Variants in PDE2A observed in about 807,000 individuals in gnomAD.
PDE2A encodes the protein cGMP-dependent 3',5'-cyclic phosphodiesterase.
A neutral mutation model predicts 133.6 loss-of-function variants in PDE2A; 53 were observed. That is an observed-to-expected ratio of 0.40 (90% CI 0.32 to 0.50). The LOEUF (loss-of-function observed/expected upper bound fraction) is 0.50, where lower values mean the gene tolerates loss of function less well. Among genes scored for constraint, PDE2A ranks in the 20% least tolerant of loss-of-function variants. PDE2A has a pLI of 0.73. For synonymous variants in PDE2A, 491 were observed against 490.2 expected (o/e 1.00, Z -0.02); for missense variants, 796 against 1,232.4 (o/e 0.65, Z 5.30).
Position 72,577,109 on chromosome 11 carries a change from C to T in PDE2A, c.*275G>A, listed in dbSNP as rs1169931058. On this transcript the variant is annotated 3_prime_UTR_variant, in exon 31 of 31. Coordinates refer to ENST00000334456, the MANE Select transcript of PDE2A (RefSeq NM_002599.5). The stretch of plus-strand genomic sequence containing the variant: ...CAAAGAATGGCTTGGGAAAGACTTG[C>T]CAAGGTGTGGTCAGAGGTGCAGAGT... The T allele has an allele frequency of 5.1e-6, 2 of 391,536 alleles. No homozygotes were observed. Among genetic ancestry groups the T allele is most frequent in the Non-Finnish European group, 9.2e-6 (2 of 217,716 alleles). The allele number at this position is 391,536 out of a possible 1,614,324, so 24.3% of individuals were successfully genotyped here.
At chr11:72,631,286 A>C in intron 2 of PDE2A, 3 of 592,414 alleles carry the variant, frequency 5.1e-6, no homozygotes, top group Non-Finnish European at 6.0e-6. Context: ...CTCTCCCAAG[A>C]CTCCCTCCTT....
intron 2 of PDE2A, among the ~76,000 whole-genome samples, chr11:72,625,666 G>C (rs986210640): frequency 5.3e-5 from 8 of 152,112 alleles, no homozygotes; most frequent in African/African-American, 1.9e-4. Context: ...CATTTGTGGG[G>C]TTTGGAGAAA....
intron 1 of PDE2A, chr11:72,668,485 C>G: frequency 1.4e-6 from 1 of 703,596 alleles, no homozygotes; most frequent in Non-Finnish European, 2.6e-6. Context: ...CTGCTCCTAC[C>G]TGCACCCCCC....
chr11:72,652,492 T>C (rs1854767498), intron 1 of PDE2A: 2 of 455,064 alleles, frequency 4.4e-6, no homozygotes, highest in Non-Finnish European at 8.8e-6. Context: ...GTGAGGTGCA[T>C]GCCAGCCTCC....
At chr11:72,631,235 G>T in intron 2 of PDE2A, 1 of 922,956 alleles carries the variant, frequency 1.1e-6, no homozygotes, top group Non-Finnish European at 1.6e-6. Flanking sequence ...GCCCACGGAT[G>T]GCCCCCTCCT....
At chr11:72,669,617 C>T (rs546148230) in intron 1 of PDE2A, among the ~76,000 whole-genome samples, 21 of 152,290 alleles carry the variant, frequency 1.4e-4, no homozygotes, top group African/African-American at 4.3e-4. Context: ...AAAGCTGGGG[C>T]GCTCCAAGGA....
At chr11:72,650,326 C>G (rs1854696976) in intron 1 of PDE2A, among the ~76,000 whole-genome samples, 1 of 60,906 alleles carries the variant, frequency 1.6e-5, no homozygotes, top group Admixed American at 1.7e-4. Flanking sequence ...TGTAGCCAAC[C>G]CCAAGAAACT....
chr11:72,596,192 C>G (rs1856469471), intron 6 of PDE2A, among the ~76,000 whole-genome samples: 1 of 152,152 alleles, frequency 6.6e-6, no homozygotes, highest in Non-Finnish European at 1.5e-5. Flanking sequence ...TTCATGCCCT[C>G]CTGGACATTA....
At chr11:72,585,318 G>A (rs1017219159) in intron 16 of PDE2A, 53 bp downstream of exon 16, 2 of 1,457,014 alleles carry the variant, frequency 1.4e-6, no homozygotes, top group Non-Finnish European at 1.9e-6. Context: ...GGAGATGATG[G>A]GGACTGAAGG....
At chr11:72,585,962 G>A in intron 14 of PDE2A, 108 bp downstream of exon 14, 1 of 725,642 alleles carries the variant, frequency 1.4e-6, no homozygotes, top group Non-Finnish European at 2.5e-6. Flanking sequence ...ACCTGGGGAA[G>A]GGCTGCCACC....
In PDE2A at chr11:72,642,244, G is replaced by GC. The variant is rs776647324; in HGVS notation, c.144+9dup. Reference sequence around the variant, plus strand: ...CGTTCTCCTGGTGCCCAGCGCGGGGGCCCCCCTACCTGCAGGCTGTCGGCG... The same window carrying GC: ...CGTTCTCCTGGTGCCCAGCGCGGGGGCCCCCCCTACCTGCAGGCTGTCGGCG... On this transcript the variant is annotated intron_variant, in intron 2 of 30. Transcript: ENST00000334456. 6.6e-7 allele frequency: 1 copy of GC among 1,506,558 alleles called. No individual in the cohort carries two copies. The highest frequency in any genetic ancestry group is 2.3e-5 in the Admixed American group (1 of 43,654). The allele number at this position is 1,506,558 out of a possible 1,614,324, so 93.3% of individuals were successfully genotyped here.
chr11:72,620,826 G>A (rs1857730024), intron 2 of PDE2A, among the ~76,000 whole-genome samples: 1 of 151,844 alleles, frequency 6.6e-6, no homozygotes, highest in Admixed American at 6.6e-5. Context: ...GAGTGGGCAG[G>A]AGGGGGTATC....
intron 2 of PDE2A, among the ~76,000 whole-genome samples, chr11:72,616,767 T>C (rs897374133): frequency 6.6e-6 from 1 of 152,068 alleles, no homozygotes; most frequent in Non-Finnish European, 1.5e-5. Context: ...GCAGACCGGG[T>C]GGGGGCAGCA....
chr11:72,594,057 C>A (rs1466485604), intron 6 of PDE2A, among the ~76,000 whole-genome samples: 1 of 152,224 alleles, frequency 6.6e-6, no homozygotes, highest in Non-Finnish European at 1.5e-5. Flanking sequence ...ACCACCAACC[C>A]TCCAGACCAT....
chr11:72,657,712 A>C lies in PDE2A; in HGVS notation c.72-15386T>G, dbSNP rs142560304. The C allele has an allele frequency of 5.7e-4, 252 of 443,138 alleles. 9 individuals are homozygous for C. In the East Asian group the frequency reaches 0.012, roughly 21 times the overall value. The allele number at this position is 443,138 out of a possible 1,614,324, so 27.5% of individuals were successfully genotyped here. ...GCTGATCAGAGCAGCCACTGGACAT[A>C]GGCGTCTTAGGATCTTGGATCTGGG... On this transcript the variant is annotated intron_variant, in intron 1 of 30. Transcript: ENST00000334456.
intron 1 of PDE2A, among the ~76,000 whole-genome samples, chr11:72,645,214 A>G (rs1309105623): frequency 2.0e-5 from 3 of 152,228 alleles, no homozygotes; most frequent in African/African-American, 7.2e-5. Flanking sequence ...TAACTGTGCC[A>G]TAGACTTGCT....
At chr11:72,579,157 G>A (rs1591008221) in intron 27 of PDE2A, 127 bp downstream of exon 27, 3 of 932,312 alleles carry the variant, frequency 3.2e-6, no homozygotes, top group East Asian at 2.4e-5. Context: ...TGCCTGGGGG[G>A]GGCCGTGCAG....
intron 13 of PDE2A, among the ~76,000 whole-genome samples, chr11:72,586,854 G>A (rs1855998354): frequency 6.6e-6 from 1 of 152,156 alleles, no homozygotes; most frequent in Non-Finnish European, 1.5e-5. Flanking sequence ...CTTTTTGGCT[G>A]GCCTTGGTGC....
chr11:72,642,308 G>C lies in PDE2A; in HGVS notation c.90C>G (p.Phe30Leu), dbSNP rs1202814897. The change falls in exon 2 of 31, where the codon TTC becomes TTG. Residue 30 changes from phenylalanine (F) to leucine (L), a missense_variant. Phe to Leu is a conservative substitution (Grantham distance 22). Around this residue, in one of 7 missense-constraint regions of PDE2A, gnomAD observed 417 missense variants for 475.3 expected, o/e 0.88. Coordinates refer to ENST00000334456, the MANE Select transcript of PDE2A (RefSeq NM_002599.5). ...RPAEPRGQQV[F>L]LKPDEPPPPP... The stretch of plus-strand genomic sequence containing the variant: ...GCGGCGGCGGCTCGTCCGGCTTGAG[G>C]AAGACCTGCTGGCCCCGCCTGAGGA... 1 of 1,538,392 alleles carries C rather than the reference G, an allele frequency of 6.5e-7. No homozygotes were observed. The highest frequency in any genetic ancestry group is 8.7e-7 in the Non-Finnish European group (1 of 1,145,302).
Sources: allele counts gnomAD v4.1 joint callset (sites outside exome capture counted in the v4.1 genomes callset), GRCh38; gene constraint gnomAD v4.1.1; regional missense constraint gnomAD v4.1.1; transcripts MANE v1.5; gene names NCBI Gene and HGNC (gene_info 2026-07-23, HGNC 2026-07-21).